The following TRIM33 variants were observed in gnomAD, a reference collection of about 807,000 sequenced individuals.
TRIM33 encodes tripartite motif containing 33, also known as E3 ubiquitin-protein ligase TRIM33.
In TRIM33, 20 loss-of-function variants were observed where a neutral mutation model predicts 125.4. The ratio of observed to expected loss-of-function variants is 0.16; its 90% confidence interval spans 0.11 to 0.23. The LOEUF (loss-of-function observed/expected upper bound fraction) is 0.23, where lower values mean the gene tolerates loss of function less well. Among genes scored for constraint, TRIM33 ranks in the 10% least tolerant of loss-of-function variants. The probability of loss-of-function intolerance (pLI) is 1.00; values close to 1 mark genes in which losing one functional copy is unlikely to be tolerated. For missense variants in TRIM33, 920 were observed against 1,411.4 expected, an observed-to-expected ratio of 0.65 and a Z score of 5.58; for synonymous variants, 564 against 513.9, an observed-to-expected ratio of 1.10 and a Z score of -1.32.
rs757368743 is a variant in TRIM33 at position 114,401,454 on chromosome 1, G to A, written c.2902C>T (p.Arg968Cys). ...TGGCAATAGAGGTAAAGCAGAAGACGTTCACATTTCTGGCCCAAACAAGGA... is the reference window on the plus strand; with the variant it reads ...TGGCAATAGAGGTAAAGCAGAAGACATTCACATTTCTGGCCCAAACAAGGA... ...LSPVDQRKCE[R>C]LLLYLYCHEL... The change falls in exon 17 of 20, where the codon CGT (arginine) becomes TGT (cysteine). Residue 968 changes from arginine (R) to cysteine (C), a missense_variant. Around this residue, in one of 8 missense-constraint regions of TRIM33, gnomAD observed 122 missense variants for 236.8 expected, o/e 0.52. Coordinates refer to ENST00000358465, the MANE Select transcript of TRIM33 (RefSeq NM_015906.4). 2.5e-6 allele frequency: 4 copies of A among 1,611,630 alleles called. No homozygotes were observed. Among genetic ancestry groups the A allele is most frequent in the African/African-American group, 1.3e-5 (1 of 74,698 alleles).
At chr1:114,432,666 G>A (rs978773107) in intron 5 of TRIM33, among the ~76,000 whole-genome samples, 1 of 151,902 alleles carries the variant, frequency 6.6e-6, no homozygotes, top group South Asian at 2.1e-4. Context: ...GGCGCCTGTA[G>A]CCCCAGCTAC....
At chr1:114,480,849 GAATA>G (rs1320714510) in intron 1 of TRIM33, among the ~76,000 whole-genome samples, 1 of 152,004 alleles carries the variant, frequency 6.6e-6, no homozygotes, top group East Asian at 1.9e-4. Context: ...ATAAAATCAT[GAATA>G]AATAGGGATA....
At chr1:114,406,368 G>C (rs760082391) in intron 14 of TRIM33, among the ~76,000 whole-genome samples, 2 of 151,976 alleles carry the variant, frequency 1.3e-5, no homozygotes. Context: ...ATATAAAAAA[G>C]GAAAAAGAAG....
At chr1:114,405,252 G>C in intron 15 of TRIM33, 158 bp downstream of exon 15, 1 of 594,266 alleles carries the variant, frequency 1.7e-6, no homozygotes, top group South Asian at 2.2e-5. Context: ...ATATTTTATT[G>C]TTAGTTTCTC....
intron 1 of TRIM33, among the ~76,000 whole-genome samples, chr1:114,481,629 C>CTATATA (rs34288270): frequency 2.6e-4 from 38 of 144,554 alleles, no homozygotes; most frequent in Admixed American, 4.8e-4. Context: ...AGAAAAAAAA[C>CTATATA]TATATATATA....
chr1:114,465,413 A>G (rs1338108118), intron 1 of TRIM33, among the ~76,000 whole-genome samples: 1 of 152,204 alleles, frequency 6.6e-6, no homozygotes, highest in Admixed American at 6.5e-5. Context: ...AGAAAGCACC[A>G]AAGACTGGGA....
intron 11 of TRIM33, among the ~76,000 whole-genome samples, chr1:114,414,715 G>T (rs745532843): frequency 6.6e-6 from 1 of 152,118 alleles, no homozygotes; most frequent in African/African-American, 2.4e-5. Flanking sequence ...CTCCTGGCCT[G>T]TAAACTCTAT....
chr1:114,420,376 T>G, intron 11 of TRIM33: 1 of 1,330,238 alleles, frequency 7.5e-7, no homozygotes, highest in Non-Finnish European at 1.0e-6. Flanking sequence ...AACAAAGATC[T>G]AACCACATTT....
At chr1:114,495,317 C>T (rs1394679696) in intron 1 of TRIM33, among the ~76,000 whole-genome samples, 1 of 152,090 alleles carries the variant, frequency 6.6e-6, no homozygotes, top group Non-Finnish European at 1.5e-5. Flanking sequence ...TGAGTTTGTG[C>T]TATCAGCTTA....
intron 4 of TRIM33, among the ~76,000 whole-genome samples, chr1:114,438,212 G>A (rs904425900): frequency 5.3e-5 from 8 of 152,284 alleles, no homozygotes; most frequent in Admixed American, 1.3e-4. Flanking sequence ...AATTGTCACT[G>A]TATATATTAA....
intron 1 of TRIM33, among the ~76,000 whole-genome samples, chr1:114,497,602 C>T (rs1163389862): frequency 6.6e-6 from 1 of 152,056 alleles, no homozygotes; most frequent in Non-Finnish European, 1.5e-5. Context: ...TGCCTGGCCT[C>T]TAATAATTTT....
chr1:114,463,060 C>T, intron 4 of TRIM33, 44 bp downstream of exon 4: 2 of 1,477,236 alleles, frequency 1.4e-6, no homozygotes, highest in Non-Finnish European at 9.0e-7. Context: ...ACTTTACAAG[C>T]ACTTTTTATA....
intron 1 of TRIM33, among the ~76,000 whole-genome samples, chr1:114,465,554 TCCCAACA>T (rs898066219): frequency 2.0e-5 from 3 of 152,280 alleles, no homozygotes; most frequent in Admixed American, 1.3e-4. Flanking sequence ...ATGCCTGTAA[TCCCAACA>T]CTTTGGGAGT....
chr1:114,470,325 T>C (rs1650562900), intron 1 of TRIM33, among the ~76,000 whole-genome samples: 1 of 152,232 alleles, frequency 6.6e-6, no homozygotes, highest in South Asian at 2.1e-4. Context: ...TGTTACATTT[T>C]GTTAATTTTT....
chr1:114,479,918 C>T (rs181792650), intron 1 of TRIM33, among the ~76,000 whole-genome samples: 3,942 of 151,876 alleles, frequency 0.026, 86 homozygotes, highest in Non-Finnish European at 0.034. Context: ...CGCCTCTGCC[C>T]GGCCGCCCCT....
At chr1:114,400,344 C>T (rs1347621775) in intron 17 of TRIM33, among the ~76,000 whole-genome samples, 18 of 152,128 alleles carry the variant, frequency 1.2e-4, no homozygotes, top group Admixed American at 1.2e-3. Context: ...GTTGGGATTA[C>T]AGGCATGCAC....
intron 4 of TRIM33, among the ~76,000 whole-genome samples, chr1:114,454,205 G>C (rs533491577): frequency 6.6e-6 from 1 of 152,120 alleles, no homozygotes; most frequent in African/African-American, 2.4e-5. Flanking sequence ...GGTGGTTTGC[G>C]AAGAGGGAGG....
intron 4 of TRIM33, among the ~76,000 whole-genome samples, chr1:114,452,719 C>T (rs1443740972): frequency 7.5e-6 from 1 of 132,812 alleles, no homozygotes; most frequent in Non-Finnish European, 1.6e-5. Flanking sequence ...TGGCAAGACC[C>T]CATCTCTTAA....
chr1:114,449,214 C>T (rs1180136074), intron 4 of TRIM33, among the ~76,000 whole-genome samples: 6 of 151,414 alleles, frequency 4.0e-5, no homozygotes, highest in Non-Finnish European at 5.9e-5. Context: ...CAGTCATACA[C>T]GAGATGTGAA....
Sources: allele counts gnomAD v4.1 joint callset (sites outside exome capture counted in the v4.1 genomes callset), GRCh38; gene constraint gnomAD v4.1.1; regional missense constraint gnomAD v4.1.1; transcripts MANE v1.5; gene names NCBI Gene and HGNC (gene_info 2026-07-23, HGNC 2026-07-21).